SEC31A: variants seen among roughly 807,000 people sequenced by gnomAD.
SEC31A encodes the protein SEC31 homolog A, COPII component, also known as protein transport protein Sec31A.
SEC31A carries 70 observed loss-of-function variants against 151.0 expected under a neutral mutation model. The ratio of observed to expected loss-of-function variants is 0.46; its 90% CI spans 0.38 to 0.57. SEC31A has a LOEUF of 0.57. Ranked by LOEUF, SEC31A falls within the 20% of genes least tolerant of loss-of-function variation. The pLI is 0.00. For synonymous variants in SEC31A, 475 were observed against 505.9 expected (o/e 0.94, Z 0.82); for missense variants, 1,330 against 1,471.2 (o/e 0.90, Z 1.57).
At chr4:82,856,694 T>G (rs899284330) in intron 16 of SEC31A, among the ~76,000 whole-genome samples, 5 of 151,958 alleles carry the variant, frequency 3.3e-5, no homozygotes, top group Admixed American at 3.3e-4. Context: ...GAGGTTGCAG[T>G]GAGTCAAGAT....
At position 82,870,428 on chromosome 4, in the gene SEC31A, T is replaced by A. The variant is rs755322292; in HGVS notation, c.783-4A>T. On this transcript the variant is annotated splice_polypyrimidine_tract_variant and splice_region_variant and intron_variant, in intron 7 of 26. Transcript: ENST00000395310. ...CCAAGCAATTGCCAAAATCCCCCTA[T>A]AAAAAACATAAAGGAACAAGGAAAT... is the stretch of plus-strand genomic sequence containing the variant. 1 of 1,605,192 alleles carries A rather than the reference T, an allele frequency of 6.2e-7. No homozygotes were observed. The highest frequency in any genetic ancestry group is 8.5e-7 in the Non-Finnish European group (1 of 1,173,506).
At position 82,848,953 on chromosome 4, in the gene SEC31A, T is replaced by C. The variant is rs1730818738; in HGVS notation, c.2353A>G (p.Arg785Gly). 6.2e-7 allele frequency: 1 copy of C among 1,613,382 alleles called. No individual in the cohort carries two copies. Among genetic ancestry groups the C allele is most frequent in the South Asian group, 1.1e-5 (1 of 90,906 alleles). The change falls in exon 20 of 27, where the codon AGA becomes GGA. Residue 785 changes from arginine to glycine, a missense_variant. Arg to Gly is a moderately radical substitution (Grantham distance 125). Transcript: ENST00000395310. ...GGCTCTCCTTGTGCTCTACAAAGTC[T>C]GTCACGAAGCTGCATGATATTTGGC... ...NQPNIMQLRD[R>G]LCRAQGEPVA...
rs200331797 is a variant in SEC31A, at chr4:82,844,424, T to C, written c.2588A>G (p.His863Arg). ...AAGQLPTSPG[H>R]MHTQVPPYPQ... is the part of the protein sequence containing the mutation. ...ATAAGGTGGTACCTGGGTGTGCATA[T>C]GACCTGGAGATGTGGGAAGCTGACC... Residue 863 changes from histidine to arginine, a missense_variant, in exon 21 of 27, where the codon CAT (histidine) becomes CGT (arginine). By Grantham distance (29) the His-to-Arg change is conservative (BLOSUM62 0). Coordinates refer to ENST00000395310, the MANE Select transcript of SEC31A (RefSeq NM_001077207.4). 2 of 1,614,190 alleles carry C rather than the reference T, an allele frequency of 1.2e-6. No individual in the cohort carries two copies. Among genetic ancestry groups the C allele is most frequent in the East Asian group, 4.5e-5 (2 of 44,884 alleles).
intron 11 of SEC31A, among the ~76,000 whole-genome samples, chr4:82,863,939 C>T (rs1458180352): frequency 2.0e-5 from 3 of 152,146 alleles, no homozygotes; most frequent in Non-Finnish European, 4.4e-5. Flanking sequence ...TCTAATCTAA[C>T]TCCTCTTAAA....
Position 82,818,961 on chromosome 4 carries a change from G to A in SEC31A, c.*113C>T. 1 of 753,158 alleles carries A rather than the reference G, an allele frequency of 1.3e-6. No homozygotes were observed. Among genetic ancestry groups the A allele is most frequent in the South Asian group, 2.5e-5 (1 of 40,110 alleles). 46.7% of individuals were successfully genotyped at this position (753,158 alleles called of 1,614,324 possible). ...CAGCAGAAATAGTGTAAATGCTCTT[G>A]ACTGGTTGCTATGCAAACATGCTAA... On this transcript the variant is annotated 3_prime_UTR_variant, in exon 27 of 27. Coordinates refer to ENST00000395310, the MANE Select transcript of SEC31A (RefSeq NM_001077207.4).
At chr4:82,888,378 C>A (rs866161917) in intron 1 of SEC31A, among the ~76,000 whole-genome samples, 1,801 of 10,382 alleles carry the variant, frequency 0.17, 107 homozygotes, top group African/African-American at 0.38. Context: ...AAAAAACACA[C>A]AAAAAACATA....
chr4:82,887,453 T>A (rs1244021627), intron 1 of SEC31A, among the ~76,000 whole-genome samples: 1 of 152,214 alleles, frequency 6.6e-6, no homozygotes, highest in African/African-American at 2.4e-5. Context: ...TGTTCATACA[T>A]GCCATCTCCA....
In SEC31A at chr4:82,871,311, TACACACACACACAC is replaced by T. The variant is rs10548601; in HGVS notation, c.782+619_782+632del. On this transcript the variant is annotated intron_variant, in intron 7 of 26. Transcript: ENST00000395310. ...AAATTATATTGGGATTATACATGCA[TACACACACACACAC>T]ACACACACACACAAGTAACGTAGGT... 4 of 1,324,276 alleles carry T rather than the reference TACACACACACACAC, an allele frequency of 3.0e-6. No homozygotes were observed. In the African/African-American group the frequency reaches 4.4e-5, roughly 15 times the overall value. 82.0% of individuals were successfully genotyped at this position (1,324,276 alleles called of 1,614,324 possible).
chr4:82,863,332 C>T lies in SEC31A; in HGVS notation c.1495G>A (p.Asp499Asn). The change falls in exon 12 of 27, where the codon GAT becomes AAT. Residue 499 changes from aspartate (D) to asparagine (N), a missense_variant. By Grantham distance (23) the Asp-to-Asn change is conservative. Coordinates refer to ENST00000395310, the MANE Select transcript of SEC31A (RefSeq NM_001077207.4). ...YLELLGYRKE[D>N]LGKKIALALN... The stretch of plus-strand genomic sequence containing the variant: ...CAAAAGTTTACCTTCTTTCCTAGAT[C>T]TTCTTTTCTGTATCCTAGAAGTTCA... 1 of 1,576,660 alleles carries T rather than the reference C, an allele frequency of 6.3e-7. No homozygotes were observed. The highest frequency in any genetic ancestry group is 8.6e-7 in the Non-Finnish European group (1 of 1,162,894).
At chr4:82,873,627 T>C (rs1168194078) in intron 6 of SEC31A, among the ~76,000 whole-genome samples, 1 of 152,194 alleles carries the variant, frequency 6.6e-6, no homozygotes, top group African/African-American at 2.4e-5. Flanking sequence ...AAAACAATAC[T>C]CTGAAGAAGT....
chr4:82,845,228 T>A (rs1239971442), intron 20 of SEC31A: 1 of 1,534,534 alleles, frequency 6.5e-7, no homozygotes, highest in Non-Finnish European at 8.7e-7. Flanking sequence ...AGGCTGCAGG[T>A]GGATGGCTGG....
intron 15 of SEC31A, 116 bp downstream of exon 15, chr4:82,857,573 T>C: frequency 1.4e-6 from 1 of 696,966 alleles, no homozygotes; most frequent in Non-Finnish European, 2.5e-6. Flanking sequence ...CCCAAGTAGC[T>C]GGGACTATAA....
chr4:82,834,971 G>C (rs1398150236), intron 22 of SEC31A, among the ~76,000 whole-genome samples: 1 of 152,066 alleles, frequency 6.6e-6, no homozygotes, highest in East Asian at 1.9e-4. Context: ...TTAGCCTCCT[G>C]AGTAGCTGGA....
At chr4:82,863,471 A>G (rs1453412438) in intron 11 of SEC31A, 79 bp from the exon 12 acceptor site, 1 of 751,104 alleles carries the variant, frequency 1.3e-6, no homozygotes, top group African/African-American at 1.8e-5. Context: ...ATCAAATTCC[A>G]AAGAGAATTA....
At chr4:82,852,223 C>T (rs1024925549) in intron 18 of SEC31A, among the ~76,000 whole-genome samples, 12 of 152,150 alleles carry the variant, frequency 7.9e-5, no homozygotes, top group Admixed American at 6.5e-5. Context: ...CCTCCCCAGT[C>T]ATGTGGAACT....
chr4:82,865,342 G>T (rs964066679), intron 10 of SEC31A, among the ~76,000 whole-genome samples: 10 of 151,862 alleles, frequency 6.6e-5, no homozygotes, highest in Non-Finnish European at 1.3e-4. Flanking sequence ...TGGTATGGAG[G>T]TTCTTCAAAA....
At chr4:82,890,828 C>T in intron 1 of SEC31A, 1 of 1,322,860 alleles carries the variant, frequency 7.6e-7, no homozygotes, top group African/African-American at 1.5e-5. Context: ...CCCGGCAAGA[C>T]ACTGTCGCCA....
intron 1 of SEC31A, among the ~76,000 whole-genome samples, chr4:82,889,356 A>G (rs369621371): frequency 2.2e-4 from 34 of 152,140 alleles, no homozygotes; most frequent in African/African-American, 6.5e-4. Flanking sequence ...GCTTGAGTCC[A>G]GCCTGGGGAA....
intron 1 of SEC31A, among the ~76,000 whole-genome samples, chr4:82,887,388 G>GAGAAAAGAAAAGAAA (rs58208029): frequency 4.0e-5 from 6 of 150,804 alleles, no homozygotes; most frequent in East Asian, 3.9e-4. Flanking sequence ...AGAAAACATT[G>GAGAAAAGAAAAGAAA]AGAAAAGAAA....
Sources: allele counts gnomAD v4.1 joint callset (sites outside exome capture counted in the v4.1 genomes callset), GRCh38; gene constraint gnomAD v4.1.1; transcripts MANE v1.5; gene names NCBI Gene and HGNC (gene_info 2026-07-23, HGNC 2026-07-21).